The following LIN54 variants were observed in gnomAD, a reference collection of about 807,000 sequenced individuals.
The protein encoded by LIN54 is lin-54 DREAM MuvB core complex component, also known as protein lin-54 homolog.
In LIN54, 9 loss-of-function variants were observed where a neutral mutation model predicts 78.7. That is an observed-to-expected ratio of 0.11 (90% CI 0.07 to 0.20). LIN54 has a LOEUF of 0.20. Among genes scored for constraint, LIN54 ranks in the 10% least tolerant of loss-of-function variants. The pLI is 1.00. For synonymous variants in LIN54, 269 were observed against 318.4 expected (o/e 0.84, Z 1.65); for missense variants, 573 against 889.9 (o/e 0.64, Z 4.53).
At chr4:82,944,254 T>A (rs1451252341) in intron 5 of LIN54, among the ~76,000 whole-genome samples, 1 of 152,208 alleles carries the variant, frequency 6.6e-6, no homozygotes, top group Non-Finnish European at 1.5e-5. Context: ...TGCTAATGAA[T>A]AAATTAATGT....
chr4:82,966,996 G>A (rs947511727), intron 4 of LIN54, among the ~76,000 whole-genome samples: 6 of 151,984 alleles, frequency 3.9e-5, no homozygotes, highest in South Asian at 2.1e-4. Context: ...TTGGGAGGCC[G>A]AGGCAGGCAG....
chr4:82,993,991 T>A (rs1727973629), intron 1 of LIN54, among the ~76,000 whole-genome samples: 1 of 152,112 alleles, frequency 6.6e-6, no homozygotes, highest in Non-Finnish European at 1.5e-5. Context: ...CCTCCAATAT[T>A]TGCTACCTGG....
In LIN54 at chr4:83,004,615, G is replaced by A. The variant is rs148275151; in HGVS notation, c.-33+5869C>T. The stretch of plus-strand genomic sequence containing the variant: ...AGTGATCCTCCCACCTCAGCCTCCC[G>A]AGTAGCGGGGACTACAGAACGAGCA... On this transcript the variant is annotated intron_variant, in intron 1 of 12. Coordinates refer to ENST00000340417, the MANE Select transcript of LIN54 (RefSeq NM_194282.4). Among the ~76,000 whole-genome samples the A allele has an allele frequency of 4.1e-3, 583 of 143,546 alleles. 3 individuals are homozygous for A. Among genetic ancestry groups the A allele is most frequent in the Non-Finnish European group, 6.9e-3 (429 of 62,188 alleles). 94.2% of individuals were successfully genotyped at this position (143,546 alleles called of 152,430 possible). A position where few individuals can be genotyped will look rare whatever the true frequency, so the allele number is the denominator to read the frequency against.
At chr4:82,928,980 A>G (rs919391261) in intron 12 of LIN54, among the ~76,000 whole-genome samples, 3 of 152,226 alleles carry the variant, frequency 2.0e-5, no homozygotes, top group East Asian at 3.8e-4. Flanking sequence ...CAAGTCTTAA[A>G]GCCTGTGACA....
At chr4:82,928,705 C>T (rs781621457) in intron 12 of LIN54, among the ~76,000 whole-genome samples, 3 of 152,156 alleles carry the variant, frequency 2.0e-5, no homozygotes, top group Non-Finnish European at 4.4e-5. Flanking sequence ...GACATAGAGA[C>T]GCTACATGAA....
intron 1 of LIN54, among the ~76,000 whole-genome samples, chr4:82,986,172 G>T (rs1727114801): frequency 2.0e-5 from 3 of 152,010 alleles, no homozygotes; most frequent in Admixed American, 2.0e-4. Context: ...CTGGAGTGCA[G>T]TGGCGCAATC....
At position 82,984,234 on chromosome 4, in the gene LIN54, G is replaced by A. The variant is rs746311865; in HGVS notation, c.611C>T (p.Thr204Ile). The part of the protein sequence containing the change: ...VKPVIGVSAL[T>I]PGSQLINTTT... Reference sequence around the variant, plus strand: ...AGTATTAATCAGTTGACTTCCTGGGGTCAATGCTGAGACACCAATGACAGG... The same window carrying A: ...AGTATTAATCAGTTGACTTCCTGGGATCAATGCTGAGACACCAATGACAGG... Residue 204 changes from threonine (T) to isoleucine (I), a missense_variant, in exon 2 of 13, where the codon ACC becomes ATC. Physicochemically the swap from Thr to Ile is moderately conservative, Grantham distance 89. Coordinates refer to ENST00000340417, the MANE Select transcript of LIN54 (RefSeq NM_194282.4). The A allele has an allele frequency of 2.5e-6, 4 of 1,613,974 alleles. No homozygotes were observed. Among genetic ancestry groups the A allele is most frequent in the Non-Finnish European group, 3.4e-6 (4 of 1,180,036 alleles).
chr4:82,955,369 A>AATAACATAACATAAC (rs537329208), intron 4 of LIN54, among the ~76,000 whole-genome samples: 20,703 of 138,212 alleles, frequency 0.15, 1,852 homozygotes, highest in Non-Finnish European at 0.19. Flanking sequence ...ATCTCAAAAA[A>AATAACATAACATAAC]ATAACATAAC....
chr4:82,947,676 G>A (rs1208672046), intron 4 of LIN54, among the ~76,000 whole-genome samples: 1 of 152,138 alleles, frequency 6.6e-6, no homozygotes, highest in Non-Finnish European at 1.5e-5. Context: ...AGGCAGAGCA[G>A]AACACAATAG....
chr4:82,973,212 G>C (rs1255924643), intron 3 of LIN54, among the ~76,000 whole-genome samples: 1 of 152,106 alleles, frequency 6.6e-6, no homozygotes, highest in African/African-American at 2.4e-5. Context: ...GAGAGAGATT[G>C]CTTCTGAAAA....
chr4:82,966,721 C>G (rs1725233314), intron 4 of LIN54, among the ~76,000 whole-genome samples: 1 of 152,082 alleles, frequency 6.6e-6, no homozygotes, highest in Non-Finnish European at 1.5e-5. Context: ...CCGGTTCAAG[C>G]AATTCTCCTG....
intron 4 of LIN54, among the ~76,000 whole-genome samples, chr4:82,968,350 CA>C (rs1294473323): frequency 1.3e-5 from 2 of 151,956 alleles, no homozygotes; most frequent in Admixed American, 1.3e-4. Context: ...GGGCTAAAGT[CA>C]AGGATGGGAA....
At chr4:82,949,041 T>C (rs1470094992) in intron 4 of LIN54, among the ~76,000 whole-genome samples, 1 of 152,130 alleles carries the variant, frequency 6.6e-6, no homozygotes, top group South Asian at 2.1e-4. Context: ...AGAAGAGGGA[T>C]TGCTGGGTCA....
intron 5 of LIN54, among the ~76,000 whole-genome samples, chr4:82,945,659 A>G (rs1221855333): frequency 6.6e-6 from 1 of 151,932 alleles, no homozygotes; most frequent in East Asian, 1.9e-4. Flanking sequence ...ACACCCGGCT[A>G]ATTTTTGTAT....
intron 3 of LIN54, among the ~76,000 whole-genome samples, chr4:82,974,223 A>C (rs1365609435): frequency 6.6e-6 from 1 of 151,630 alleles, no homozygotes; most frequent in Non-Finnish European, 1.5e-5. Context: ...AAAACAAACA[A>C]ACCAAAAAAA....
At chr4:83,004,313 C>T (rs891081729) in intron 1 of LIN54, among the ~76,000 whole-genome samples, 14 of 147,772 alleles carry the variant, frequency 9.5e-5, no homozygotes, top group Non-Finnish European at 1.6e-4. Flanking sequence ...GCAGGAAAAT[C>T]GCTTGAACCT....
rs1722570439 is a variant in LIN54, at chr4:82,938,443, A to G, written c.1502T>C (p.Ile501Thr). 1 of 1,611,134 alleles carries G rather than the reference A, an allele frequency of 6.2e-7. No homozygotes were observed. Among genetic ancestry groups the G allele is most frequent in the Admixed American group, 1.7e-5 (1 of 59,988 alleles). The change falls in exon 8 of 13, where the codon ATC (isoleucine) becomes ACC (threonine). Residue 501 changes from isoleucine (I) to threonine (T), a missense_variant. Physicochemically the swap from Ile to Thr is moderately conservative, Grantham distance 89. Transcript: ENST00000340417. ...SNSTFTGTSGIQTQARLPFNG... is the reference protein window; with the variant it reads ...SNSTFTGTSGTQTQARLPFNG... ...GAATGGAAGCCGTGCCTGGGTCTGG[A>G]TACCAGATGTTCCAGTAAAGGTAGA...
chr4:82,927,916 T>A lies in LIN54; in HGVS notation c.*186A>T. ...CAATTTAGAAGGGGCATAAGCAGAT[T>A]TAACTAAGATTTAAAATGTACTAAT... On this transcript the variant is annotated 3_prime_UTR_variant, in exon 13 of 13. Transcript: ENST00000340417. The A allele has an allele frequency of 5.2e-6, 3 of 573,148 alleles. No homozygotes were observed. The highest frequency in any genetic ancestry group is 9.3e-6 in the Non-Finnish European group (3 of 324,092). The allele number at this position is 573,148 out of a possible 1,614,324, so 35.5% of individuals were successfully genotyped here.
intron 8 of LIN54, 34 bp from the exon 9 acceptor site, chr4:82,937,332 CAATT>C (rs753372629): frequency 1.7e-5 from 23 of 1,382,074 alleles, no homozygotes; most frequent in Non-Finnish European, 2.0e-5. Context: ...TACATTTAAT[CAATT>C]AATAGTAACT....
Sources: allele counts gnomAD v4.1 joint callset (sites outside exome capture counted in the v4.1 genomes callset), GRCh38; gene constraint gnomAD v4.1.1; transcripts MANE v1.5; gene names NCBI Gene and HGNC (gene_info 2026-07-23, HGNC 2026-07-21).